ADCY2: variants seen among roughly 807,000 people sequenced by gnomAD.
The protein encoded by ADCY2 is adenylate cyclase type 2.
A neutral mutation model predicts 125.2 loss-of-function variants in ADCY2; 31 were observed. The observed-to-expected ratio is 0.25, with a 90% CI of 0.19 to 0.33. The LOEUF (loss-of-function observed/expected upper bound fraction) is 0.33, where lower values mean the gene tolerates loss of function less well. Ranked by LOEUF, ADCY2 falls within the 10% of genes least tolerant of loss-of-function variation. ADCY2 has a pLI of 1.00. For missense variants in ADCY2, 904 were observed against 1,418.2 expected (o/e 0.64, Z 5.82); for synonymous variants, 512 against 548.4 (o/e 0.93, Z 0.93).
chr5:7,444,631 G>A (rs867747743), intron 2 of ADCY2, among the ~76,000 whole-genome samples: 28 of 151,860 alleles, frequency 1.8e-4, no homozygotes, highest in African/African-American at 6.1e-4. Context: ...CATTTTTGCC[G>A]GTGTATCTTT....
chr5:7,642,956 T>A (rs1019648934), intron 4 of ADCY2, among the ~76,000 whole-genome samples: 2 of 152,070 alleles, frequency 1.3e-5, no homozygotes, highest in Non-Finnish European at 2.9e-5. Context: ...TTAAGGGAGT[T>A]CTAAATGTGG....
At position 7,403,729 on chromosome 5, in the gene ADCY2, A is replaced by G. The variant is rs141747279; in HGVS notation, c.210+7223A>G. ...TTTTATCATATATAGACACATACAC[A>G]TAAATTATATATATGTGTGGTGTGT... On this transcript the variant is annotated intron_variant, in intron 1 of 24. Transcript: ENST00000338316. 1.4e-3 allele frequency among the ~76,000 whole-genome samples: 212 copies of G among 152,258 alleles called. 1 individual carries two copies. The highest frequency in any genetic ancestry group is 4.2e-3 in the African/African-American group (174 of 41,558).
rs1006475615 is a variant in ADCY2 at position 7,764,340 on chromosome 5, C to T, written c.2095-2347C>T. Among the ~76,000 whole-genome samples, 9 of 152,142 alleles carry T rather than the reference C, an allele frequency of 5.9e-5. No individual in the cohort carries two copies. The South Asian group carries it at 6.2e-4, about 11-fold the overall frequency. On this transcript the variant is annotated intron_variant, in intron 16 of 24. Transcript: ENST00000338316. Reference sequence around the variant, plus strand: ...ATTTTGAGAATGTTGTCACTTGATTCCTCACAGCATTTTGCAATTTCTTCT... The same window carrying T: ...ATTTTGAGAATGTTGTCACTTGATTTCTCACAGCATTTTGCAATTTCTTCT...
chr5:7,645,518 C>T (rs1407371416), intron 4 of ADCY2, among the ~76,000 whole-genome samples: 1 of 151,830 alleles, frequency 6.6e-6, no homozygotes, highest in Non-Finnish European at 1.5e-5. Context: ...AGACAATGTC[C>T]AGTGTGGTAT....
chr5:7,410,318 T>C (rs1739659068), intron 1 of ADCY2, among the ~76,000 whole-genome samples: 1 of 149,198 alleles, frequency 6.7e-6, no homozygotes, highest in Non-Finnish European at 1.5e-5. Context: ...TCATACAAAA[T>C]AGTACTGTTC....
intron 20 of ADCY2, chr5:7,796,799 G>A (rs1304955889): frequency 6.6e-6 from 1 of 152,252 alleles, no homozygotes; most frequent in Non-Finnish European, 1.5e-5. Context: ...CCACCTCTGT[G>A]TGTGGCAGGA....
Position 7,827,056 on chromosome 5 carries a change from A to G in ADCY2, c.*185A>G, listed in dbSNP as rs1387174736. 14 of 691,632 alleles carry G rather than the reference A, an allele frequency of 2.0e-5. No individual in the cohort carries two copies. Among genetic ancestry groups the G allele is most frequent in the Non-Finnish European group, 3.2e-5 (14 of 430,882 alleles). The allele number at this position is 691,632 out of a possible 1,614,324, so 42.8% of individuals were successfully genotyped here. A position where few individuals can be genotyped will look rare whatever the true frequency, so the allele number is the denominator to read the frequency against. On this transcript the variant is annotated 3_prime_UTR_variant, in exon 25 of 25. Transcript: ENST00000338316. Reference sequence around the variant, plus strand: ...TGATGTGTGCCCAGATCGTTCTGCCACTTGCACTGTGCTTGCTCCTAAGCA... The same window carrying G: ...TGATGTGTGCCCAGATCGTTCTGCCGCTTGCACTGTGCTTGCTCCTAAGCA...
chr5:7,738,434 A>G (rs911821321), intron 14 of ADCY2, among the ~76,000 whole-genome samples: 1 of 152,066 alleles, frequency 6.6e-6, no homozygotes, highest in African/African-American at 2.4e-5. Context: ...ACAAAAATAA[A>G]TGAGACAAAT....
chr5:7,743,897 C>T, intron 15 of ADCY2, 145 bp downstream of exon 15: 2 of 707,770 alleles, frequency 2.8e-6, no homozygotes, highest in South Asian at 3.6e-5. Flanking sequence ...ACACACCCTT[C>T]AGGTCTATAA....
chr5:7,509,533 A>G (rs922034063), intron 2 of ADCY2, among the ~76,000 whole-genome samples: 2 of 152,148 alleles, frequency 1.3e-5, no homozygotes, highest in African/African-American at 4.8e-5. Context: ...TAAATTTTAA[A>G]AAGCACAGTG....
In ADCY2 at chr5:7,589,486, G is replaced by GAA. The variant is rs1736760408; in HGVS notation, c.571-36679_571-36678dup. The stretch of plus-strand genomic sequence containing the variant: ...AGAAAGAAAGAAAGAAAGAAAGAAA[G>GAA]AAAGAAAGAAAGAAAGAAAGAAAGA... On this transcript the variant is annotated intron_variant, in intron 3 of 24. Transcript: ENST00000338316. Among the ~76,000 whole-genome samples the GAA allele has an allele frequency of 5.4e-5, 3 of 55,958 alleles. No individual in the cohort carries two copies. In the East Asian group the frequency reaches 4.0e-3, roughly 75 times the overall value. 36.7% of individuals were successfully genotyped at this position (55,958 alleles called of 152,430 possible). A position where few individuals can be genotyped will look rare whatever the true frequency, so the allele number is the denominator to read the frequency against.
chr5:7,712,600 T>G (rs1741474425), intron 10 of ADCY2, among the ~76,000 whole-genome samples: 1 of 152,196 alleles, frequency 6.6e-6, no homozygotes. Flanking sequence ...CTATAAATCT[T>G]AAAACTCCAG....
At chr5:7,688,533 T>G (rs781588431) in intron 4 of ADCY2, among the ~76,000 whole-genome samples, 1 of 152,116 alleles carries the variant, frequency 6.6e-6, no homozygotes, top group Non-Finnish European at 1.5e-5. Context: ...CCTCCCAAAG[T>G]GCTGGGACTA....
chr5:7,416,103 G>A (rs1209131054), intron 2 of ADCY2, among the ~76,000 whole-genome samples: 1 of 152,178 alleles, frequency 6.6e-6, no homozygotes, highest in Non-Finnish European at 1.5e-5. Context: ...GCCATGTCAA[G>A]GGACAGAATA....
At chr5:7,762,874 G>C (rs1331795732) in intron 16 of ADCY2, among the ~76,000 whole-genome samples, 1 of 152,094 alleles carries the variant, frequency 6.6e-6, no homozygotes, top group African/African-American at 2.4e-5. Flanking sequence ...TTGGTGGAGT[G>C]GGGGGCTGTG....
chr5:7,609,608 TA>T (rs1337554409), intron 3 of ADCY2, among the ~76,000 whole-genome samples: 3 of 152,110 alleles, frequency 2.0e-5, no homozygotes, highest in African/African-American at 7.2e-5. Context: ...TAGGGGAATA[TA>T]AAACAGGTGG....
intron 3 of ADCY2, among the ~76,000 whole-genome samples, chr5:7,604,271 A>T (rs1264680219): frequency 1.6e-3 from 28 of 17,166 alleles, no homozygotes; most frequent in African/African-American, 8.2e-3. Context: ...GTGCCGCAAT[A>T]AACATAGGTG....
At chr5:7,502,883 G>A (rs753919229) in intron 2 of ADCY2, among the ~76,000 whole-genome samples, 3 of 152,086 alleles carry the variant, frequency 2.0e-5, no homozygotes, top group Non-Finnish European at 4.4e-5. Flanking sequence ...TGCAGGCATC[G>A]TGCCTCTCCC....
At chr5:7,816,600 C>A (rs553157241) in intron 22 of ADCY2, among the ~76,000 whole-genome samples, 4 of 152,182 alleles carry the variant, frequency 2.6e-5, no homozygotes, top group African/African-American at 9.7e-5. Context: ...ACAGGTTCCC[C>A]GTGGTCAGCC....
Sources: allele counts gnomAD v4.1 joint callset (sites outside exome capture counted in the v4.1 genomes callset), GRCh38; gene constraint gnomAD v4.1.1; transcripts MANE v1.5; gene names NCBI Gene and HGNC (gene_info 2026-07-23, HGNC 2026-07-21).